The following TOMM34 variants were observed in gnomAD, a reference collection of about 807,000 sequenced individuals.
TOMM34 encodes the protein translocase of outer mitochondrial membrane 34, also known as mitochondrial import receptor subunit TOM34.
A neutral mutation model predicts 37.4 loss-of-function variants in TOMM34; 24 were observed. That is an observed-to-expected ratio of 0.64 (90% confidence interval 0.46 to 0.90). The LOEUF (loss-of-function observed/expected upper bound fraction) is 0.90. Ranked by LOEUF, TOMM34 falls within the 40% of genes least tolerant of loss-of-function variation. TOMM34 has a pLI of 0.00. For synonymous variants in TOMM34, 154 were observed against 148.9 expected (o/e 1.03, Z -0.25); for missense variants, 304 against 375.6 (o/e 0.81, Z 1.58).
At position 44,943,002 on chromosome 20, in the gene TOMM34, C is replaced by G; in HGVS notation, c.*107G>C. 9.5e-7 allele frequency: 1 copy of G among 1,048,712 alleles called. No homozygotes were observed. Among genetic ancestry groups the G allele is most frequent in the South Asian group, 1.4e-5 (1 of 72,610 alleles). The allele number at this position is 1,048,712 out of a possible 1,614,324, so 65.0% of individuals were successfully genotyped here. A position where few individuals can be genotyped will look rare whatever the true frequency, so the allele number is the denominator to read the frequency against. On this transcript the variant is annotated 3_prime_UTR_variant, in exon 7 of 7. Coordinates refer to ENST00000372813, the MANE Select transcript of TOMM34 (RefSeq NM_006809.5). ...CATCAAGGGATTGAGGAGGGGGCTT[C>G]AGAGCTCACTTGGGGCATGCTGGGT...
intron 5 of TOMM34, among the ~76,000 whole-genome samples, chr20:44,943,825 C>T (rs771455983): frequency 6.6e-6 from 1 of 152,080 alleles, no homozygotes; most frequent in Non-Finnish European, 1.5e-5. Flanking sequence ...TTCAAATAGG[C>T]GGGCGTTCGT....
chr20:44,954,786 C>T (rs1235927832), intron 3 of TOMM34, among the ~76,000 whole-genome samples: 1 of 152,184 alleles, frequency 6.6e-6, no homozygotes, highest in Non-Finnish European at 1.5e-5. Context: ...CTGAACCGGG[C>T]ACAACACCTT....
chr20:44,951,881 C>G lies in TOMM34; in HGVS notation c.502G>C (p.Glu168Gln), dbSNP rs774780956. 3 of 1,614,126 alleles carry G rather than the reference C, an allele frequency of 1.9e-6. No individual in the cohort carries two copies. Among genetic ancestry groups the G allele is most frequent in the South Asian group, 2.2e-5 (2 of 91,082 alleles). ...WNSLPSENHK[E>Q]MAKSKSKETT... ...TCTTTGGATTTGCTTTTAGCCATCT[C>G]TTTGTGGTTCTCCGAAGGCAAGGAA... is the stretch of plus-strand genomic sequence containing the variant. The change falls in exon 4 of 7, where the codon GAG becomes CAG. Residue 168 changes from glutamate (E) to glutamine (Q), a missense_variant. By Grantham distance (29) the Glu-to-Gln change is conservative (BLOSUM62 2). Transcript: ENST00000372813.
At chr20:44,947,039 AACAAGACAAAAC>A (rs1377820138) in intron 5 of TOMM34, among the ~76,000 whole-genome samples, 3 of 152,246 alleles carry the variant, frequency 2.0e-5, no homozygotes, top group Admixed American at 6.5e-5. Context: ...ACAGTATCTA[AACAAGACAAAAC>A]ACAGCTCCAA....
At chr20:44,958,089 T>TATGTATATGTATATATGTATACATGTAC (rs2067089903) in intron 1 of TOMM34, among the ~76,000 whole-genome samples, 4 of 127,318 alleles carry the variant, frequency 3.1e-5, no homozygotes, top group African/African-American at 6.1e-5. Context: ...TATATGTATA[T>TATGTATATGTATATATGTATACATGTAC]ATGTATATGT....
chr20:44,957,833 G>A (rs969494582), intron 1 of TOMM34, among the ~76,000 whole-genome samples: 4 of 152,060 alleles, frequency 2.6e-5, no homozygotes, highest in African/African-American at 9.7e-5. Context: ...TGTAGAGACA[G>A]AGTCCCACTG....
At chr20:44,955,520 T>G (rs558614040) in intron 2 of TOMM34, 2 of 513,664 alleles carry the variant, frequency 3.9e-6, no homozygotes, top group South Asian at 3.1e-5. Context: ...CATGCTACTA[T>G]GTTTTTTTAC....
intron 3 of TOMM34, 52 bp downstream of exon 3, chr20:44,955,016 C>G (rs919928386): frequency 1.9e-6 from 3 of 1,595,592 alleles, no homozygotes; most frequent in African/African-American, 1.3e-5. Context: ...CGCAGCCAAT[C>G]AAGAAGGACA....
At position 44,955,179 on chromosome 20, in the gene TOMM34, C is replaced by T. The variant is rs907360155; in HGVS notation, c.269G>A (p.Arg90Gln). The change falls in exon 3 of 7, where the codon CGG (arginine) becomes CAG (glutamine). Residue 90 changes from arginine to glutamine, a missense_variant. Physicochemically the swap from Arg to Gln is conservative, Grantham distance 43. Coordinates refer to ENST00000372813, the MANE Select transcript of TOMM34 (RefSeq NM_006809.5). ...CAGAGCCTCATAAGCAGATGCTCGC[C>T]GCAGCAGGGGCTTAATGCTGAAGGG... is the stretch of plus-strand genomic sequence containing the variant. Reference protein sequence around the residue: ...LVPFSIKPLLRRASAYEALEK... With the variant: ...LVPFSIKPLLQRASAYEALEK... The T allele has an allele frequency of 9.3e-6, 15 of 1,614,062 alleles. No homozygotes were observed. The highest frequency in any genetic ancestry group is 6.7e-5 in the African/African-American group (5 of 74,914).
chr20:44,952,509 T>C lies in TOMM34; in HGVS notation c.381-507A>G. The C allele has an allele frequency of 1.6e-5, 11 of 693,870 alleles. 1 individual carries two copies. The highest frequency in any genetic ancestry group is 1.6e-5 in the Non-Finnish European group (6 of 372,448). 43.0% of individuals were successfully genotyped at this position (693,870 alleles called of 1,614,324 possible). A position where few individuals can be genotyped will look rare whatever the true frequency, so the allele number is the denominator to read the frequency against. On this transcript the variant is annotated intron_variant, in intron 3 of 6. Coordinates refer to ENST00000372813, the MANE Select transcript of TOMM34 (RefSeq NM_006809.5). ...CCCACCCCTTCCTGTCCCCCTTCAC[T>C]GTGAGCCACATTCTCTTCTGATCCT... is the stretch of plus-strand genomic sequence containing the variant.
In TOMM34 at chr20:44,956,436, T is replaced by G. The variant is rs376968194; in HGVS notation, c.177A>C (p.Ala59=). The change falls in exon 2 of 7, where the codon GCA becomes GCC. Residue 59 remains alanine (A), a synonymous_variant. Transcript: ENST00000372813. ...TGCAGTTTCCATCCTTCAAGTGACA[T>G]GCTGCTCGGTTGGAGTAGAGAACAC... ...EESVLYSNRA[A]CHLKDGNCRD... The G allele has an allele frequency of 2.5e-6, 4 of 1,614,120 alleles. No individual in the cohort carries two copies. Among genetic ancestry groups the G allele is most frequent in the African/African-American group, 1.3e-5 (1 of 74,944 alleles).
At chr20:44,952,492 T>C (rs954676629) in intron 3 of TOMM34, 6 of 676,064 alleles carry the variant, frequency 8.9e-6, no homozygotes, top group Admixed American at 2.1e-5. Flanking sequence ...TCCCCACCCC[T>C]TCCTGTCCCC....
Position 44,956,427 on chromosome 20 carries a change from C to A in TOMM34, c.186G>T (p.Leu62Phe), listed in dbSNP as rs1418284221. 1.2e-6 allele frequency: 2 copies of A among 1,614,224 alleles called. No individual in the cohort carries two copies. The highest frequency in any genetic ancestry group is 2.2e-5 in the South Asian group (2 of 91,084). ...TGCAGTCTCTGCAGTTTCCATCCTT[C>A]AAGTGACATGCTGCTCGGTTGGAGT... ...VLYSNRAACH[L>F]KDGNCRDCIK... The change falls in exon 2 of 7, where the codon TTG (leucine) becomes TTT (phenylalanine). Residue 62 changes from leucine to phenylalanine, a missense_variant. Coordinates refer to ENST00000372813, the MANE Select transcript of TOMM34 (RefSeq NM_006809.5).
chr20:44,948,943 C>A (rs1028615786), intron 4 of TOMM34, 66 bp from the exon 5 acceptor site: 1 of 1,566,116 alleles, frequency 6.4e-7, no homozygotes, highest in Non-Finnish European at 8.6e-7. Context: ...AGTGAGGTCT[C>A]TTCAGCATCG....
intron 1 of TOMM34, chr20:44,958,286 C>A (rs77840809): frequency 4.3e-6 from 2 of 462,264 alleles, no homozygotes; most frequent in Non-Finnish European, 9.0e-6. Context: ...TATTTGATAT[C>A]TTTCATTCAA....
intron 5 of TOMM34, among the ~76,000 whole-genome samples, chr20:44,943,971 G>A (rs1269332085): frequency 6.6e-6 from 1 of 151,172 alleles, no homozygotes; most frequent in Non-Finnish European, 1.5e-5. Context: ...CTACTTTAAG[G>A]GGGAAAAAAA....
At chr20:44,955,450 A>G in intron 2 of TOMM34, 1 of 653,178 alleles carries the variant, frequency 1.5e-6, no homozygotes, top group Non-Finnish European at 2.8e-6. Context: ...GTGTGTGCAC[A>G]TGCATCAATT....
chr20:44,947,963 T>C (rs1256110665), intron 5 of TOMM34, among the ~76,000 whole-genome samples: 1 of 152,174 alleles, frequency 6.6e-6, no homozygotes, highest in African/African-American at 2.4e-5. Context: ...TTTGATATGG[T>C]CTCTTGCTGA....
At chr20:44,956,672 G>A (rs374528262) in intron 1 of TOMM34, among the ~76,000 whole-genome samples, 187 bp from the exon 2 acceptor site, 10 of 152,288 alleles carry the variant, frequency 6.6e-5, no homozygotes, top group Non-Finnish European at 7.3e-5. Flanking sequence ...AGGACACTGC[G>A]CTTTTTGCCA....
Sources: allele counts gnomAD v4.1 joint callset (sites outside exome capture counted in the v4.1 genomes callset), GRCh38; gene constraint gnomAD v4.1.1; transcripts MANE v1.5; gene names NCBI Gene and HGNC (gene_info 2026-07-23, HGNC 2026-07-21).